STK3: variants seen among roughly 807,000 people sequenced by gnomAD.
The protein encoded by STK3 is serine/threonine-protein kinase 3.
Under a neutral mutation model 58.0 loss-of-function variants are expected in STK3, and 41 were observed. The ratio of observed to expected loss-of-function variants is 0.71; its 90% CI spans 0.55 to 0.92. The LOEUF (loss-of-function observed/expected upper bound fraction) is 0.92. Among genes scored for constraint, STK3 ranks in the 40% least tolerant of loss-of-function variants. The pLI is 0.00. For missense variants in STK3, 479 were observed against 602.7 expected (o/e 0.79, Z 2.15); for synonymous variants, 170 against 191.0 (o/e 0.89, Z 0.91).
intron 1 of STK3, among the ~76,000 whole-genome samples, chr8:98,780,730 A>G (rs1031989487): frequency 6.6e-6 from 1 of 152,136 alleles, no homozygotes; most frequent in Non-Finnish European, 1.5e-5. Flanking sequence ...GATTTCCGGT[A>G]AGCAACTGGA....
At chr8:98,618,203 A>G (rs1443283071) in intron 6 of STK3, among the ~76,000 whole-genome samples, 2 of 151,790 alleles carry the variant, frequency 1.3e-5, no homozygotes, top group African/African-American at 4.8e-5. Context: ...ACAGAGCCAA[A>G]GACAAAAACC....
intron 1 of STK3, among the ~76,000 whole-genome samples, chr8:98,801,447 T>G (rs1475491174): frequency 6.6e-6 from 1 of 152,154 alleles, no homozygotes; most frequent in Non-Finnish European, 1.5e-5. Context: ...GCTCACTCTT[T>G]GGGTCTGCAC....
At chr8:98,705,154 C>T (rs1415754237) in intron 6 of STK3, among the ~76,000 whole-genome samples, 2 of 152,154 alleles carry the variant, frequency 1.3e-5, no homozygotes, top group Non-Finnish European at 2.9e-5. Flanking sequence ...CTAGGCTGGG[C>T]ACACTGCTGT....
the STK3 span, among the ~76,000 whole-genome samples, chr8:98,363,989 G>C: frequency 6.6e-6 from 1 of 152,202 alleles, no homozygotes; most frequent in African/African-American, 2.4e-5. Context: ...GCCCAGCGCT[G>C]TTCTCTCTAT....
At chr8:98,715,508 G>T (rs2131146891) in intron 4 of STK3, among the ~76,000 whole-genome samples, 1 of 152,082 alleles carries the variant, frequency 6.6e-6, no homozygotes, top group South Asian at 2.1e-4. Context: ...AGACACTTAT[G>T]CAGCCAAAAG....
chr8:98,402,176 C>T (rs577762868), intron 3 of STK3, among the ~76,000 whole-genome samples: 15 of 152,300 alleles, frequency 9.8e-5, no homozygotes, highest in Admixed American at 3.9e-4. Flanking sequence ...ATCCTCATCA[C>T]ATCATTATCT....
chr8:98,453,602 T>C (rs1466419492), downstream of STK3, among the ~76,000 whole-genome samples: 2 of 152,230 alleles, frequency 1.3e-5, no homozygotes, highest in African/African-American at 4.8e-5. Flanking sequence ...GACATAGATA[T>C]AATAGGATAT....
At chr8:98,816,884 G>A (rs900525970) in intron 1 of STK3, among the ~76,000 whole-genome samples, 1 of 152,064 alleles carries the variant, frequency 6.6e-6, no homozygotes, top group Admixed American at 6.6e-5. Context: ...ATCTAGCAAT[G>A]CACATTTGGG....
intron 8 of STK3, 136 bp from the exon 9 acceptor site, chr8:98,548,297 A>G (rs1586833717): frequency 3.4e-6 from 2 of 587,474 alleles, no homozygotes; most frequent in Middle Eastern, 1.0e-3. Flanking sequence ...ATATAAATAC[A>G]TACATACAAA....
At chr8:98,926,830 C>T (rs1335252114) in intron 1 of STK3, among the ~76,000 whole-genome samples, 1 of 152,172 alleles carries the variant, frequency 6.6e-6, no homozygotes, top group Non-Finnish European at 1.5e-5. Context: ...TGTTAGGACA[C>T]AGCAAGCTTA....
chr8:98,820,471 T>G (rs1195026121), intron 1 of STK3, among the ~76,000 whole-genome samples: 3 of 152,232 alleles, frequency 2.0e-5, no homozygotes, highest in African/African-American at 7.2e-5. Context: ...TCTGGTAAAG[T>G]GTCTCACTCC....
intron 1 of STK3, among the ~76,000 whole-genome samples, chr8:98,381,501 G>A (rs1474200874): frequency 2.0e-5 from 3 of 152,198 alleles, no homozygotes; most frequent in Non-Finnish European, 4.4e-5. Flanking sequence ...AGGCACTTGG[G>A]TTAGGGGATA....
chr8:98,824,036 A>G (rs942316464), intron 1 of STK3, among the ~76,000 whole-genome samples: 1 of 152,240 alleles, frequency 6.6e-6, no homozygotes, highest in Non-Finnish European at 1.5e-5. Context: ...CTATAATCCA[A>G]TCTACTCCAT....
chr8:98,666,586 A>T (rs186504744), intron 6 of STK3, among the ~76,000 whole-genome samples: 146 of 152,346 alleles, frequency 9.6e-4, no homozygotes, highest in African/African-American at 3.4e-3. Flanking sequence ...CTTTAAAAGT[A>T]AACCAAAATT....
At chr8:98,398,818 G>A (rs1171283921), downstream of STK3, among the ~76,000 whole-genome samples, 1 of 152,338 alleles carries the variant, frequency 6.6e-6, no homozygotes, top group East Asian at 1.9e-4. Context: ...ACACCGCCTA[G>A]GGTCAGAGAT....
chr8:98,825,587 A>T lies in STK3; in HGVS notation c.-47T>A. 7.1e-7 allele frequency: 1 copy of T among 1,403,658 alleles called. No homozygotes were observed. Among genetic ancestry groups the T allele is most frequent in the Non-Finnish European group, 9.3e-7 (1 of 1,071,578 alleles). The allele number at this position is 1,403,658 out of a possible 1,614,324, so 87.0% of individuals were successfully genotyped here. A position where few individuals can be genotyped will look rare whatever the true frequency, so the allele number is the denominator to read the frequency against. On this transcript the variant is annotated 5_prime_UTR_variant, in exon 1 of 11. Transcript: ENST00000419617. ...GGACCTGGTGGACGGCGAAGGCCGA[A>T]AGGAGGAAAGGAGCCGGGGCACCGG...
intron 7 of STK3, among the ~76,000 whole-genome samples, chr8:98,584,648 G>T (rs1814314145): frequency 1.3e-5 from 2 of 149,630 alleles, no homozygotes; most frequent in Admixed American, 1.3e-4. Flanking sequence ...GGTATTTCTA[G>T]TTCTAGATCC....
Position 98,377,025 on chromosome 8 carries a change from C to T in STK3, n.111+2128G>A, listed in dbSNP as rs776210955. Among the ~76,000 whole-genome samples the T allele has an allele frequency of 5.3e-5, 8 of 152,032 alleles. No individual in the cohort carries two copies. In the South Asian group the frequency reaches 6.2e-4, roughly 12 times the overall value. On this transcript the variant is annotated intron_variant and non_coding_transcript_variant, in intron 2 of 2. Coordinates refer to the STK3 transcript ENST00000518704. Reference sequence around the variant, plus strand: ...TGGTGTTCCTTGAACATGCTGGGCACGTTCCTTCCCTCTTTCAGGGCCTTG... The same window carrying T: ...TGGTGTTCCTTGAACATGCTGGGCATGTTCCTTCCCTCTTTCAGGGCCTTG...
intron 1 of STK3, among the ~76,000 whole-genome samples, chr8:98,443,677 G>T (rs1215701704): frequency 6.6e-6 from 1 of 152,174 alleles, no homozygotes; most frequent in Non-Finnish European, 1.5e-5. Context: ...GCGAAACACT[G>T]TCTCTACTAA....
Sources: gnomAD v4.1 joint callset for allele counts (sites outside exome capture counted in the v4.1 genomes callset) on GRCh38, gnomAD v4.1.1 for gene constraint, MANE v1.5 for transcripts, NCBI Gene and HGNC (gene_info 2026-07-23, HGNC 2026-07-21) for gene names.